SUCLG2: variants seen among roughly 807,000 people sequenced by gnomAD.
The protein encoded by SUCLG2 is succinate-CoA ligase GDP-forming subunit beta, also known as succinate--CoA ligase [GDP-forming] subunit beta, mitochondrial.
In SUCLG2, 42 loss-of-function variants were observed where a neutral mutation model predicts 47.9. That is an observed-to-expected ratio of 0.88 (90% CI 0.69 to 1.14). The LOEUF (loss-of-function observed/expected upper bound fraction) is 1.14. Ranked by LOEUF, SUCLG2 falls within the 50% of genes most tolerant of loss-of-function variation. SUCLG2 has a pLI of 0.00. For synonymous variants in SUCLG2, 195 were observed against 197.3 expected (o/e 0.99, Z 0.10); for missense variants, 571 against 525.9 (o/e 1.09, Z -0.84).
intron 2 of SUCLG2, among the ~76,000 whole-genome samples, chr3:67,585,490 T>C (rs1300937930): frequency 6.6e-6 from 1 of 152,212 alleles, no homozygotes; most frequent in East Asian, 1.9e-4. Flanking sequence ...AGTATTATGA[T>C]GCTTAGAGAG....
At chr3:67,407,933 G>A (rs1462744778) in intron 9 of SUCLG2, among the ~76,000 whole-genome samples, 2 of 152,110 alleles carry the variant, frequency 1.3e-5, no homozygotes. Flanking sequence ...AAATGGTGAA[G>A]GAAATGAGAT....
intron 1 of SUCLG2, among the ~76,000 whole-genome samples, chr3:67,615,621 A>ACACACACAC (rs1553670704): frequency 2.4e-4 from 34 of 142,160 alleles, no homozygotes; most frequent in South Asian, 1.2e-3. Context: ...CACAAACACA[A>ACACACACAC]ACACACACAC....
intron 9 of SUCLG2, among the ~76,000 whole-genome samples, chr3:67,424,673 A>T (rs12489223): frequency 6.6e-6 from 1 of 151,288 alleles, no homozygotes; most frequent in Non-Finnish European, 1.5e-5. Flanking sequence ...GATCCTGGCA[A>T]GTCATAAGAG....
Position 67,375,810 on chromosome 3 carries a change from G to A in SUCLG2, c.1233C>T (p.Pro411=). 1 of 1,613,956 alleles carries A rather than the reference G, an allele frequency of 6.2e-7. No individual in the cohort carries two copies. Among genetic ancestry groups the A allele is most frequent in the South Asian group, 1.1e-5 (1 of 91,040 alleles). Residue 411 remains proline, a synonymous_variant, in exon 11 of 11, where the codon CCC becomes CCT. Coordinates refer to ENST00000307227, the MANE Select transcript of SUCLG2 (RefSeq NM_003848.4). ...AQKILNNSGL[P]ITSAIDLEDA... ...CCTCCAGGTCAATGGCTGAAGTAAT[G>A]GGGAGTCCGCTGTTGTTGAGTATCT... is the stretch of plus-strand genomic sequence containing the variant.
intron 6 of SUCLG2, among the ~76,000 whole-genome samples, chr3:67,509,181 G>A (rs574165386): frequency 6.6e-6 from 1 of 152,246 alleles, no homozygotes; most frequent in South Asian, 2.1e-4. Context: ...AAATTATCAT[G>A]TCTCTATTAG....
At chr3:67,415,630 T>C (rs1703023008) in intron 9 of SUCLG2, among the ~76,000 whole-genome samples, 3 of 152,238 alleles carry the variant, frequency 2.0e-5, no homozygotes, top group Admixed American at 6.5e-5. Context: ...GTCACCTTAC[T>C]GGCCAACTTG....
chr3:67,449,304 A>C (rs559235874), intron 9 of SUCLG2, among the ~76,000 whole-genome samples: 1 of 152,336 alleles, frequency 6.6e-6, no homozygotes, highest in Non-Finnish European at 1.5e-5. Flanking sequence ...TTTATCTGGG[A>C]TCTTTGCTTT....
intron 9 of SUCLG2, among the ~76,000 whole-genome samples, chr3:67,420,719 T>G (rs1703138810): frequency 6.6e-6 from 1 of 150,684 alleles, no homozygotes; most frequent in African/African-American, 2.5e-5. Context: ...TTAGGCAGCA[T>G]GATAAAGTAA....
intron 9 of SUCLG2, among the ~76,000 whole-genome samples, chr3:67,467,766 T>G (rs1452623621): frequency 1.3e-5 from 2 of 152,064 alleles, no homozygotes; most frequent in Non-Finnish European, 2.9e-5. Flanking sequence ...CCCTGCTGAG[T>G]TGTTTCTATT....
intron 9 of SUCLG2, among the ~76,000 whole-genome samples, chr3:67,425,665 C>T (rs1396339194): frequency 6.6e-6 from 1 of 152,208 alleles, no homozygotes; most frequent in Admixed American, 6.5e-5. Context: ...GCTCTCAGGC[C>T]TTCAAACTAT....
intron 10 of SUCLG2, among the ~76,000 whole-genome samples, chr3:67,365,815 C>T (rs1490268): frequency 0.92 from 140,664 of 152,278 alleles, 65,171 homozygotes; most frequent in East Asian, 0.99. Context: ...TTAAATGGAG[C>T]GGACTAGCAT....
At chr3:67,609,674 T>A in intron 1 of SUCLG2, 78 bp from the exon 2 acceptor site, 1 of 1,407,706 alleles carries the variant, frequency 7.1e-7, no homozygotes, top group Non-Finnish European at 9.6e-7. Context: ...TGGCCAGTCT[T>A]AGAGGTACTG....
chr3:67,491,515 C>T (rs1384631386), intron 9 of SUCLG2, among the ~76,000 whole-genome samples: 2 of 152,052 alleles, frequency 1.3e-5, no homozygotes, highest in African/African-American at 2.4e-5. Flanking sequence ...TAGGTGCCTG[C>T]AACCACGCCT....
chr3:67,368,785 T>C (rs868739790), intron 10 of SUCLG2, among the ~76,000 whole-genome samples: 31 of 152,154 alleles, frequency 2.0e-4, no homozygotes, highest in Middle Eastern at 6.8e-3. Flanking sequence ...TTTGTATTTT[T>C]AGTAGAGGAG....
rs148792336 is a variant in SUCLG2 at position 67,400,266 on chromosome 3, T to C, written c.1183+465A>G. Among the ~76,000 whole-genome samples, 68 of 151,862 alleles carry C rather than the reference T, an allele frequency of 4.5e-4. No homozygotes were observed. In the East Asian group the frequency reaches 0.013, roughly 28 times the overall value. On this transcript the variant is annotated intron_variant, in intron 10 of 10. Coordinates refer to ENST00000307227, the MANE Select transcript of SUCLG2 (RefSeq NM_003848.4). ...TACATATGATATATAAAATATACCATAAAATATACAAATTATTTTTTAAGA... is the reference window on the plus strand; with the variant it reads ...TACATATGATATATAAAATATACCACAAAATATACAAATTATTTTTTAAGA...
At chr3:67,539,915 T>C (rs913367634) in intron 2 of SUCLG2, among the ~76,000 whole-genome samples, 4 of 152,128 alleles carry the variant, frequency 2.6e-5, no homozygotes, top group Admixed American at 6.5e-5. Context: ...ATCCCCTTTA[T>C]CATTTTTTAT....
At chr3:67,455,358 T>C (rs1454558301) in intron 9 of SUCLG2, among the ~76,000 whole-genome samples, 1 of 152,168 alleles carries the variant, frequency 6.6e-6, no homozygotes, top group East Asian at 1.9e-4. Flanking sequence ...GTTATTTCAC[T>C]CTTGACATAC....
intron 9 of SUCLG2, among the ~76,000 whole-genome samples, chr3:67,451,870 A>G (rs1412295922): frequency 6.6e-6 from 1 of 152,190 alleles, no homozygotes; most frequent in East Asian, 1.9e-4. Flanking sequence ...CCTGATGTGT[A>G]GTGTTTGCCA....
At chr3:67,462,217 T>A (rs1202856515) in intron 9 of SUCLG2, among the ~76,000 whole-genome samples, 1 of 152,130 alleles carries the variant, frequency 6.6e-6, no homozygotes, top group Non-Finnish European at 1.5e-5. Flanking sequence ...CTGCTCCTTT[T>A]TCTTCCCACA....
Sources: gnomAD v4.1 joint callset for allele counts (sites outside exome capture counted in the v4.1 genomes callset) on GRCh38, gnomAD v4.1.1 for gene constraint, MANE v1.5 for transcripts, NCBI Gene and HGNC (gene_info 2026-07-23, HGNC 2026-07-21) for gene names.